NRG3: variants seen among roughly 807,000 people sequenced by gnomAD.
NRG3 encodes the protein pro-neuregulin-3, membrane-bound isoform.
Under a neutral mutation model 66.9 loss-of-function variants are expected in NRG3, and 31 were observed. The ratio of observed to expected loss-of-function variants is 0.46; its 90% confidence interval spans 0.35 to 0.63. NRG3 has a LOEUF of 0.63. Ranked by LOEUF, NRG3 falls within the 20% of genes least tolerant of loss-of-function variation. The pLI is 0.00. For synonymous variants in NRG3, 393 were observed against 359.4 expected (o/e 1.09, Z -1.06); for missense variants, 910 against 878.9 (o/e 1.04, Z -0.45).
chr10:82,586,804 C>T (rs1316802401), intron 2 of NRG3, among the ~76,000 whole-genome samples: 2 of 151,946 alleles, frequency 1.3e-5, no homozygotes, highest in Admixed American at 1.3e-4. Flanking sequence ...CATTCAAATG[C>T]TCAGGCTTGT....
intron 1 of NRG3, among the ~76,000 whole-genome samples, chr10:82,030,914 T>C (rs758099161): frequency 2.0e-5 from 3 of 152,154 alleles, no homozygotes; most frequent in Non-Finnish European, 2.9e-5. Context: ...TGATTAGAGA[T>C]AGGTTGCATT....
At chr10:82,427,678 A>C (rs980359748) in intron 2 of NRG3, among the ~76,000 whole-genome samples, 1 of 152,010 alleles carries the variant, frequency 6.6e-6, no homozygotes, top group African/African-American at 2.4e-5. Flanking sequence ...TTTCCTTGTG[A>C]GGTCTTTCTT....
In NRG3 at chr10:82,039,743, G is replaced by A. The variant is rs78191620; in HGVS notation, c.823+163580G>A. On this transcript the variant is annotated intron_variant, in intron 1 of 8. Coordinates refer to ENST00000372141, the MANE Select transcript of NRG3 (RefSeq NM_001010848.4). ...GGGAGGTGTTCTTGATCCCAGGAGTGATCTTTAGGAAGACTGGAAAATAAG... is the reference window on the plus strand; with the variant it reads ...GGGAGGTGTTCTTGATCCCAGGAGTAATCTTTAGGAAGACTGGAAAATAAG... 2.8e-4 allele frequency among the ~76,000 whole-genome samples: 42 copies of A among 152,190 alleles called. 1 individual carries two copies. In the East Asian group the frequency reaches 7.2e-3, roughly 26 times the overall value.
intron 3 of NRG3, among the ~76,000 whole-genome samples, chr10:82,788,404 TA>T (rs1361189882): frequency 1.3e-5 from 2 of 152,052 alleles, no homozygotes; most frequent in Non-Finnish European, 2.9e-5. Flanking sequence ...ACACCATCTC[TA>T]CTAAAAATAC....
chr10:82,738,289 C>A (rs1191680690), intron 2 of NRG3, among the ~76,000 whole-genome samples: 1 of 152,092 alleles, frequency 6.6e-6, no homozygotes, highest in Non-Finnish European at 1.5e-5. Flanking sequence ...ATTTTAAGAA[C>A]CATTATTTAG....
At position 82,368,471 on chromosome 10, in the gene NRG3, C is replaced by T. The variant is rs995551842; in HGVS notation, c.953+9603C>T. On this transcript the variant is annotated intron_variant, in intron 2 of 8. Coordinates refer to ENST00000372141, the MANE Select transcript of NRG3 (RefSeq NM_001010848.4). ...AAGACAGGCAGAAATAGGAGGCCAC[C>T]TTTTGTTAGGGGAATGCTCCCTTTT... Among the ~76,000 whole-genome samples, 13 of 138,638 alleles carry T rather than the reference C, an allele frequency of 9.4e-5. 2 individuals are homozygous for T. Among genetic ancestry groups the T allele is most frequent in the Non-Finnish European group, 1.9e-4 (13 of 67,554 alleles). 91.0% of individuals were successfully genotyped at this position (138,638 alleles called of 152,430 possible).
intron 1 of NRG3, among the ~76,000 whole-genome samples, chr10:82,176,193 A>T (rs2073018021): frequency 1.3e-5 from 2 of 152,154 alleles, no homozygotes; most frequent in Admixed American, 1.3e-4. Context: ...TTGGCTTTAG[A>T]AGCCATTTTA....
intron 2 of NRG3, among the ~76,000 whole-genome samples, chr10:82,381,685 T>G (rs376659726): frequency 6.6e-6 from 1 of 152,202 alleles, no homozygotes; most frequent in South Asian, 2.1e-4. Context: ...TTATCACTTA[T>G]GCTTCATGGG....
chr10:82,757,538 C>A (rs1260259406), intron 3 of NRG3, among the ~76,000 whole-genome samples: 2 of 152,032 alleles, frequency 1.3e-5, no homozygotes, highest in African/African-American at 4.8e-5. Flanking sequence ...GACCTTAAGC[C>A]TGGGATAAAC....
At chr10:81,887,880 A>C (rs1339552119) in intron 1 of NRG3, among the ~76,000 whole-genome samples, 3 of 152,148 alleles carry the variant, frequency 2.0e-5, no homozygotes, top group Non-Finnish European at 4.4e-5. Flanking sequence ...TGTATTGATA[A>C]TATTGTGCTG....
At chr10:82,897,475 G>C (rs953303180) in intron 4 of NRG3, among the ~76,000 whole-genome samples, 1 of 151,862 alleles carries the variant, frequency 6.6e-6, no homozygotes, top group African/African-American at 2.4e-5. Context: ...TTCTGATCTT[G>C]ATTTCTTGAA....
intron 1 of NRG3, among the ~76,000 whole-genome samples, chr10:81,924,753 T>C (rs1275192681): frequency 6.6e-6 from 1 of 152,186 alleles, no homozygotes; most frequent in African/African-American, 2.4e-5. Flanking sequence ...GCTGGTATTA[T>C]TCAGATCAAA....
chr10:82,196,774 C>T (rs917406265), intron 1 of NRG3, among the ~76,000 whole-genome samples: 17 of 152,134 alleles, frequency 1.1e-4, no homozygotes, highest in Admixed American at 1.1e-3. Flanking sequence ...GGGTGAATGG[C>T]AGGTGCAGGA....
rs545912305 is a variant in NRG3, at chr10:82,582,853, G to C, written c.954-155724G>C. ...TTTATTTAATCCAAAGTGGAAAGAAGCTCCCTTTTTTAAATTAACATCAAA... is the reference window on the plus strand; with the variant it reads ...TTTATTTAATCCAAAGTGGAAAGAACCTCCCTTTTTTAAATTAACATCAAA... On this transcript the variant is annotated intron_variant, in intron 2 of 8. Transcript: ENST00000372141. Among the ~76,000 whole-genome samples the C allele has an allele frequency of 5.3e-5, 8 of 152,226 alleles. No homozygotes were observed. The South Asian group carries it at 1.7e-3, about 32-fold the overall frequency.
intron 1 of NRG3, among the ~76,000 whole-genome samples, chr10:82,171,750 C>G (rs2072629421): frequency 6.6e-6 from 1 of 152,064 alleles, no homozygotes; most frequent in Non-Finnish European, 1.5e-5. Context: ...TTCAAAATAA[C>G]TGTTGATATT....
intron 2 of NRG3, among the ~76,000 whole-genome samples, chr10:82,441,286 C>T (rs2090420246): frequency 6.6e-6 from 1 of 152,148 alleles, no homozygotes; most frequent in South Asian, 2.1e-4. Context: ...GAGCGATAAA[C>T]CATTAATACA....
chr10:82,159,171 G>A (rs1237843506), intron 1 of NRG3, among the ~76,000 whole-genome samples: 1 of 151,892 alleles, frequency 6.6e-6, no homozygotes, highest in Non-Finnish European at 1.5e-5. Context: ...AAGTAACATT[G>A]CTGATTGCAT....
chr10:82,200,225 T>G (rs73304617), intron 1 of NRG3, among the ~76,000 whole-genome samples: 15,520 of 152,002 alleles, frequency 0.1, 1,246 homozygotes, highest in East Asian at 0.36. Context: ...GCAATTGGTG[T>G]TGTTGTTGAG....
At chr10:82,793,924 T>C (rs2060690370) in intron 3 of NRG3, among the ~76,000 whole-genome samples, 1 of 152,212 alleles carries the variant, frequency 6.6e-6, no homozygotes. Flanking sequence ...TATTAAAGTA[T>C]AATATGGTCT....
Sources: gnomAD v4.1 joint callset for allele counts (sites outside exome capture counted in the v4.1 genomes callset) on GRCh38, gnomAD v4.1.1 for gene constraint, MANE v1.5 for transcripts, NCBI Gene and HGNC (gene_info 2026-07-23, HGNC 2026-07-21) for gene names.